CTNNA3: variants seen among roughly 807,000 people sequenced by gnomAD.
The protein encoded by CTNNA3 is catenin alpha 3.
In CTNNA3, 76 loss-of-function variants were observed where a neutral mutation model predicts 95.7. The ratio of observed to expected loss-of-function variants is 0.79; its 90% CI spans 0.66 to 0.96. The LOEUF is 0.96. Among genes scored for constraint, CTNNA3 ranks in the 40% least tolerant of loss-of-function variants. The pLI is 0.00. For synonymous variants in CTNNA3, 431 were observed against 374.4 expected (o/e 1.15, Z -1.74); for missense variants, 1,191 against 1,089.8 (o/e 1.09, Z -1.31).
chr10:66,475,599 A>C (rs1184006673), intron 11 of CTNNA3, among the ~76,000 whole-genome samples: 1 of 152,110 alleles, frequency 6.6e-6, no homozygotes, highest in Non-Finnish European at 1.5e-5. Flanking sequence ...GTGGCCAAAA[A>C]ACATATGAAG....
intron 13 of CTNNA3, among the ~76,000 whole-genome samples, chr10:66,252,266 C>A (rs1243590528): frequency 1.3e-5 from 2 of 152,126 alleles, no homozygotes. Context: ...ACTCTTGCTC[C>A]TCTCAGGAAG....
intron 7 of CTNNA3, among the ~76,000 whole-genome samples, chr10:67,057,235 ACAAT>A (rs1415269232): frequency 4.6e-5 from 7 of 152,192 alleles, no homozygotes; most frequent in Non-Finnish European, 1.0e-4. Flanking sequence ...AATGATTGCC[ACAAT>A]CAATTAATAT....
chr10:66,804,405 G>C (rs1479213737), intron 7 of CTNNA3, among the ~76,000 whole-genome samples: 1 of 151,970 alleles, frequency 6.6e-6, no homozygotes, highest in African/African-American at 2.4e-5. Flanking sequence ...CTTGCTCAGT[G>C]TCACTTCTGG....
chr10:66,506,059 G>C lies in CTNNA3; in HGVS notation c.1531+14558C>G, dbSNP rs141089309. Reference sequence around the variant, plus strand: ...CATGGCAGAAGGTGATGGGGAGCCAGCATGTAGAGATTACTTGGTAAGGGA... The same window carrying C: ...CATGGCAGAAGGTGATGGGGAGCCACCATGTAGAGATTACTTGGTAAGGGA... On this transcript the variant is annotated intron_variant, in intron 11 of 17. Transcript: ENST00000433211. Among the ~76,000 whole-genome samples the C allele has an allele frequency of 1.9e-3, 289 of 152,240 alleles. 2 individuals carry two copies. The highest frequency in any genetic ancestry group is 6.6e-3 in the African/African-American group (274 of 41,550).
At chr10:67,648,916 T>C in intron 1 of CTNNA3, 2 of 727,430 alleles carry the variant, frequency 2.7e-6, no homozygotes, top group South Asian at 3.5e-5. Context: ...TAGTTTGGTT[T>C]GGTTTTGATT....
At chr10:66,397,050 A>G (rs1253493449) in intron 11 of CTNNA3, among the ~76,000 whole-genome samples, 2 of 151,740 alleles carry the variant, frequency 1.3e-5, no homozygotes, top group Admixed American at 6.6e-5. Context: ...AAATTCATAT[A>G]TTTATTTCTC....
intron 7 of CTNNA3, among the ~76,000 whole-genome samples, chr10:66,881,481 A>T (rs1374697830): frequency 6.6e-6 from 1 of 152,130 alleles, no homozygotes; most frequent in East Asian, 1.9e-4. Context: ...CCTTGGCTTC[A>T]GTGATCAATT....
At chr10:66,625,646 C>T (rs1844909098) in intron 9 of CTNNA3, among the ~76,000 whole-genome samples, 1 of 152,176 alleles carries the variant, frequency 6.6e-6, no homozygotes, top group Admixed American at 6.5e-5. Flanking sequence ...GCCTCAGTCT[C>T]CCAAAGTGCT....
intron 5 of CTNNA3, among the ~76,000 whole-genome samples, chr10:67,325,377 T>C (rs1369450101): frequency 1.3e-5 from 2 of 152,196 alleles, no homozygotes; most frequent in African/African-American, 4.8e-5. Flanking sequence ...TTTAGTGCTA[T>C]AAATTTCCCT....
intron 5 of CTNNA3, among the ~76,000 whole-genome samples, chr10:67,340,029 C>T (rs1457815716): frequency 6.6e-6 from 1 of 152,036 alleles, no homozygotes; most frequent in Non-Finnish European, 1.5e-5. Context: ...TATTTAAATG[C>T]CTAATAAAAT....
At chr10:66,564,490 G>A (rs945117242) in intron 10 of CTNNA3, among the ~76,000 whole-genome samples, 2 of 152,170 alleles carry the variant, frequency 1.3e-5, no homozygotes, top group African/African-American at 2.4e-5. Context: ...CAAATAGAAA[G>A]TGATGATGCC....
intron 9 of CTNNA3, among the ~76,000 whole-genome samples, chr10:66,715,346 C>T (rs1242466580): frequency 6.6e-6 from 1 of 152,052 alleles, no homozygotes; most frequent in Admixed American, 6.6e-5. Context: ...AGATTGTCAT[C>T]CATCTCTTGG....
intron 7 of CTNNA3, among the ~76,000 whole-genome samples, chr10:67,002,557 A>G (rs911353974): frequency 6.6e-6 from 1 of 152,214 alleles, no homozygotes; most frequent in Non-Finnish European, 1.5e-5. Context: ...ATGTTTATTT[A>G]TGACAGTCTA....
intron 11 of CTNNA3, among the ~76,000 whole-genome samples, chr10:66,380,518 G>A (rs2092829093): frequency 6.6e-6 from 1 of 151,654 alleles, no homozygotes. Context: ...TGAGGTGGGA[G>A]GATTGATTGA....
At chr10:67,734,458 C>G (rs933671929) in intron 1 of CTNNA3, among the ~76,000 whole-genome samples, 4 of 152,018 alleles carry the variant, frequency 2.6e-5, no homozygotes, top group African/African-American at 7.2e-5. Flanking sequence ...ATATATGATC[C>G]TGGGGAAAGG....
chr10:66,165,319 A>G (rs958641251), intron 13 of CTNNA3, among the ~76,000 whole-genome samples: 5 of 152,076 alleles, frequency 3.3e-5, no homozygotes, highest in Admixed American at 2.6e-4. Context: ...GGGTGGAGGA[A>G]GAGAGGGGAA....
intron 6 of CTNNA3, among the ~76,000 whole-genome samples, chr10:67,209,298 C>T (rs1864040016): frequency 6.6e-6 from 1 of 152,166 alleles, no homozygotes; most frequent in South Asian, 2.1e-4. Context: ...ATCCACCCGC[C>T]TTGGCCTCAC....
intron 10 of CTNNA3, among the ~76,000 whole-genome samples, chr10:66,606,868 G>A (rs943367089): frequency 1.3e-5 from 2 of 151,916 alleles, no homozygotes; most frequent in African/African-American, 4.8e-5. Context: ...AAAAGAAGTA[G>A]GGAACCAACA....
intron 13 of CTNNA3, among the ~76,000 whole-genome samples, chr10:66,142,490 C>A (rs150990771): frequency 2.0e-3 from 309 of 152,152 alleles, no homozygotes; most frequent in African/African-American, 6.8e-3. Context: ...TATTCCAGGT[C>A]TTTTAACTCT....
Sources: gnomAD v4.1 joint callset for allele counts (sites outside exome capture counted in the v4.1 genomes callset) on GRCh38, gnomAD v4.1.1 for gene constraint, MANE v1.5 for transcripts, NCBI Gene and HGNC (gene_info 2026-07-23, HGNC 2026-07-21) for gene names.